ST6GALNAC3: variants seen among roughly 807,000 people sequenced by gnomAD.
ST6GALNAC3 encodes the protein ST6 N-acetylgalactosaminide alpha-2,6-sialyltransferase 3.
A neutral mutation model predicts 32.7 loss-of-function variants in ST6GALNAC3; 25 were observed. The observed-to-expected ratio is 0.76, with a 90% confidence interval of 0.56 to 1.07. The LOEUF (loss-of-function observed/expected upper bound fraction) is 1.07. ST6GALNAC3 is among the 50% of genes least tolerant of loss of function. The pLI is 0.00. For missense variants in ST6GALNAC3, 355 were observed against 382.4 expected (o/e 0.93, Z 0.60); for synonymous variants, 129 against 133.1 (o/e 0.97, Z 0.21).
At chr1:76,113,183 A>G (rs982435862) in intron 1 of ST6GALNAC3, among the ~76,000 whole-genome samples, 1 of 152,064 alleles carries the variant, frequency 6.6e-6, no homozygotes, top group African/African-American at 2.4e-5. Flanking sequence ...CAAAAAAAAT[A>G]CGAAAACCAG....
At chr1:76,592,981 A>G (rs1647073342) in intron 3 of ST6GALNAC3, among the ~76,000 whole-genome samples, 1 of 148,376 alleles carries the variant, frequency 6.7e-6, no homozygotes, top group Non-Finnish European at 1.5e-5. Context: ...AGAACCAGAA[A>G]TACTCATTTT....
intron 3 of ST6GALNAC3, among the ~76,000 whole-genome samples, chr1:76,569,068 G>A (rs1342434291): frequency 6.6e-6 from 1 of 152,012 alleles, no homozygotes; most frequent in Non-Finnish European, 1.5e-5. Context: ...TATGCATTTT[G>A]CAGAATAAAC....
At chr1:76,483,485 G>C (rs916552051) in intron 3 of ST6GALNAC3, among the ~76,000 whole-genome samples, 9 of 152,186 alleles carry the variant, frequency 5.9e-5, no homozygotes, top group Non-Finnish European at 1.0e-4. Context: ...GTGATGATGA[G>C]CATTTTTTCA....
chr1:76,392,073 G>A (rs572983899), intron 2 of ST6GALNAC3, among the ~76,000 whole-genome samples: 248 of 152,232 alleles, frequency 1.6e-3, no homozygotes, highest in Middle Eastern at 0.01. Flanking sequence ...GTTCTTTGCA[G>A]GATCTTTAGC....
At chr1:76,476,730 A>G (rs1343436426) in intron 3 of ST6GALNAC3, among the ~76,000 whole-genome samples, 1 of 152,178 alleles carries the variant, frequency 6.6e-6, no homozygotes, top group Non-Finnish European at 1.5e-5. Context: ...GGCATCAGGC[A>G]TAAGCTGCCA....
At chr1:76,199,144 G>T (rs1384164853) in intron 1 of ST6GALNAC3, among the ~76,000 whole-genome samples, 2 of 152,122 alleles carry the variant, frequency 1.3e-5, no homozygotes. Context: ...TGCTCATTAG[G>T]GTTCTTCTGA....
At chr1:76,466,235 T>G (rs1452840280) in intron 3 of ST6GALNAC3, among the ~76,000 whole-genome samples, 1 of 152,104 alleles carries the variant, frequency 6.6e-6, no homozygotes, top group Non-Finnish European at 1.5e-5. Context: ...TAAGGAGATA[T>G]GAACTTGTAT....
chr1:76,084,534 A>G (rs75275153), intron 1 of ST6GALNAC3, among the ~76,000 whole-genome samples: 3,036 of 152,280 alleles, frequency 0.02, 94 homozygotes, highest in African/African-American at 0.07. Flanking sequence ...GGTATTACAC[A>G]TATGGGAGCA....
intron 3 of ST6GALNAC3, among the ~76,000 whole-genome samples, chr1:76,602,333 G>A (rs1407015873): frequency 2.0e-5 from 3 of 152,134 alleles, no homozygotes; most frequent in Admixed American, 6.5e-5. Flanking sequence ...GTGTGTGTGC[G>A]TGTGCATGTG....
intron 3 of ST6GALNAC3, among the ~76,000 whole-genome samples, chr1:76,462,894 A>G (rs1265889049): frequency 2.0e-5 from 3 of 152,146 alleles, no homozygotes; most frequent in East Asian, 1.9e-4. Flanking sequence ...GACCAATTAC[A>G]TATCTGCTGT....
At chr1:76,501,267 C>T (rs2101725581) in intron 3 of ST6GALNAC3, among the ~76,000 whole-genome samples, 1 of 152,304 alleles carries the variant, frequency 6.6e-6, no homozygotes, top group African/African-American at 2.4e-5. Context: ...GACTCCAGCC[C>T]CTTTCCTGTC....
chr1:76,515,283 C>A (rs1186427657), intron 3 of ST6GALNAC3, among the ~76,000 whole-genome samples: 1 of 151,966 alleles, frequency 6.6e-6, no homozygotes, highest in Non-Finnish European at 1.5e-5. Flanking sequence ...TGTAGTGTCA[C>A]CTTGTTCATC....
intron 3 of ST6GALNAC3, among the ~76,000 whole-genome samples, chr1:76,501,716 G>A (rs1400296897): frequency 6.6e-6 from 1 of 152,304 alleles, no homozygotes; most frequent in Middle Eastern, 3.4e-3. Flanking sequence ...GCTTCAACAG[G>A]AGAACAAAGA....
chr1:76,305,104 A>G (rs1660968175), intron 1 of ST6GALNAC3, among the ~76,000 whole-genome samples: 1 of 152,044 alleles, frequency 6.6e-6, no homozygotes, highest in Non-Finnish European at 1.5e-5. Flanking sequence ...ATTGGAGAAC[A>G]TTTCTTCCCA....
At chr1:76,161,626 G>A (rs1651819237) in intron 1 of ST6GALNAC3, among the ~76,000 whole-genome samples, 1 of 152,208 alleles carries the variant, frequency 6.6e-6, no homozygotes, top group African/African-American at 2.4e-5. Flanking sequence ...CGATGCTGAT[G>A]TCTTAAAGTA....
At chr1:76,268,894 C>T (rs922479904) in intron 1 of ST6GALNAC3, among the ~76,000 whole-genome samples, 2 of 152,220 alleles carry the variant, frequency 1.3e-5, no homozygotes, top group Non-Finnish European at 2.9e-5. Context: ...CGCCGTGGCC[C>T]TCTCCCACCA....
At chr1:76,204,061 C>T (rs189879676) in intron 1 of ST6GALNAC3, among the ~76,000 whole-genome samples, 40 of 152,300 alleles carry the variant, frequency 2.6e-4, no homozygotes, top group African/African-American at 8.4e-4. Context: ...CACTACTCTT[C>T]GTGGCCTCTG....
chr1:76,436,128 G>A (rs1266079415), intron 3 of ST6GALNAC3, among the ~76,000 whole-genome samples: 3 of 152,056 alleles, frequency 2.0e-5, no homozygotes, highest in East Asian at 3.9e-4. Flanking sequence ...AATAAAATTT[G>A]TAATCCAATC....
chr1:76,565,039 G>A (rs1434875990), intron 3 of ST6GALNAC3, among the ~76,000 whole-genome samples: 1 of 151,952 alleles, frequency 6.6e-6, no homozygotes, highest in Non-Finnish European at 1.5e-5. Context: ...CCCCATTTCC[G>A]TTTCCAAAGA....
Sources: allele counts gnomAD v4.1 joint callset (sites outside exome capture counted in the v4.1 genomes callset), GRCh38; gene constraint gnomAD v4.1.1; transcripts MANE v1.5; gene names NCBI Gene and HGNC (gene_info 2026-07-23, HGNC 2026-07-21).